The following RANBP9 variants were observed in gnomAD, a reference collection of about 807,000 sequenced individuals.
RANBP9 encodes the protein RAN binding protein 9, also known as ran-binding protein 9.
RANBP9 carries 15 observed loss-of-function variants against 84.3 expected under a neutral mutation model. The ratio of observed to expected loss-of-function variants is 0.18; its 90% CI spans 0.12 to 0.27. The LOEUF (loss-of-function observed/expected upper bound fraction) is 0.27, where lower values mean the gene tolerates loss of function less well. Ranked by LOEUF, RANBP9 falls within the 10% of genes least tolerant of loss-of-function variation. The probability of loss-of-function intolerance (pLI) is 1.00; values close to 1 mark genes in which losing one functional copy is unlikely to be tolerated. For missense variants in RANBP9, 809 were observed against 912.8 expected, an observed-to-expected ratio of 0.89 and a Z score of 1.46; for synonymous variants, 392 against 349.6, an observed-to-expected ratio of 1.12 and a Z score of -1.35.
chr6:13,646,326 T>C (rs1584920452), intron 5 of RANBP9, among the ~76,000 whole-genome samples: 1 of 152,312 alleles, frequency 6.6e-6, no homozygotes, highest in Non-Finnish European at 1.5e-5. Flanking sequence ...GGATAATCGC[T>C]TGAACCGGGG....
chr6:13,636,312 T>C (rs1374036859), intron 10 of RANBP9, among the ~76,000 whole-genome samples: 1 of 152,240 alleles, frequency 6.6e-6, no homozygotes, highest in Non-Finnish European at 1.5e-5. Context: ...ATGGTTTAAA[T>C]AGTTAATACC....
intron 5 of RANBP9, among the ~76,000 whole-genome samples, chr6:13,645,543 C>T (rs1312920411): frequency 6.6e-6 from 1 of 152,054 alleles, no homozygotes; most frequent in Non-Finnish European, 1.5e-5. Flanking sequence ...CTACTAAATG[C>T]CAGGGTTTAA....
chr6:13,681,410 AATACATTTT>A (rs1192768021), intron 2 of RANBP9, among the ~76,000 whole-genome samples: 2 of 152,318 alleles, frequency 1.3e-5, no homozygotes, highest in Non-Finnish European at 2.9e-5. Flanking sequence ...ATTAATCAAT[AATACATTTT>A]AAGTGCAAAA....
At position 13,674,462 on chromosome 6, in the gene RANBP9, T is replaced by C. The variant is rs377348949; in HGVS notation, c.684-15630A>G. Among the ~76,000 whole-genome samples, 4 of 152,184 alleles carry C rather than the reference T, an allele frequency of 2.6e-5. No individual in the cohort carries two copies. In the East Asian group the frequency reaches 7.7e-4, roughly 29 times the overall value. On this transcript the variant is annotated intron_variant, in intron 2 of 13. Coordinates refer to ENST00000011619, the MANE Select transcript of RANBP9 (RefSeq NM_005493.3). ...CAAGGATCAATTATCAAACAAGATA[T>C]AACAATCCTTAATTGTCAAGGGTCG...
intron 1 of RANBP9, among the ~76,000 whole-genome samples, chr6:13,704,448 C>A (rs540702249): frequency 6.6e-6 from 1 of 152,010 alleles, no homozygotes; most frequent in East Asian, 1.9e-4. Flanking sequence ...GGCAACATGG[C>A]AAAACCCCCT....
intron 1 of RANBP9, among the ~76,000 whole-genome samples, chr6:13,704,561 G>A (rs769470418): frequency 6.6e-6 from 1 of 151,914 alleles, no homozygotes; most frequent in Non-Finnish European, 1.5e-5. Flanking sequence ...AGCCCAGGAG[G>A]CAGAGGTTGC....
intron 2 of RANBP9, among the ~76,000 whole-genome samples, chr6:13,663,465 GT>G (rs1280740598): frequency 1.3e-5 from 2 of 152,014 alleles, no homozygotes; most frequent in Non-Finnish European, 2.9e-5. Flanking sequence ...AGCAAAAATG[GT>G]AACATGTATT....
chr6:13,699,985 G>T (rs912052593), intron 1 of RANBP9, among the ~76,000 whole-genome samples: 2 of 152,164 alleles, frequency 1.3e-5, no homozygotes, highest in African/African-American at 4.8e-5. Context: ...TCACCTGAAA[G>T]TTTATTATTA....
chr6:13,661,281 G>T (rs1765533575), intron 2 of RANBP9, among the ~76,000 whole-genome samples: 1 of 152,156 alleles, frequency 6.6e-6, no homozygotes, highest in African/African-American at 2.4e-5. Flanking sequence ...TCATGCTGAA[G>T]CAAGAACCCG....
At chr6:13,642,292 GAC>G (rs1166084355) in intron 7 of RANBP9, among the ~76,000 whole-genome samples, 185 bp downstream of exon 7, 3 of 151,948 alleles carry the variant, frequency 2.0e-5, no homozygotes, top group Non-Finnish European at 1.5e-5. Context: ...TTAGAATTCT[GAC>G]ATAGTCCTAT....
chr6:13,634,283 G>GT, intron 11 of RANBP9, 148 bp downstream of exon 11: 1 of 935,934 alleles, frequency 1.1e-6, no homozygotes, highest in Admixed American at 2.8e-5. Context: ...TCAAACAAGA[G>GT]TTTAAGTGCT....
intron 1 of RANBP9, among the ~76,000 whole-genome samples, chr6:13,703,111 C>T (rs1005597672): frequency 4.9e-4 from 75 of 152,318 alleles, no homozygotes; most frequent in Middle Eastern, 3.4e-3. Flanking sequence ...TTCCTGGGTT[C>T]AAGCAGTCCT....
intron 10 of RANBP9, 113 bp from the exon 11 acceptor site, chr6:13,634,665 A>C: frequency 1.0e-6 from 1 of 1,004,096 alleles, no homozygotes; most frequent in Non-Finnish European, 1.4e-6. Flanking sequence ...ATAAGGCAAC[A>C]GAAATCTGCA....
chr6:13,676,692 TATGCAAGGC>T (rs1765892238), intron 2 of RANBP9, among the ~76,000 whole-genome samples: 1 of 151,644 alleles, frequency 6.6e-6, no homozygotes, highest in African/African-American at 2.4e-5. Flanking sequence ...TTATCCCAGG[TATGCAAGGC>T]TGGCTCAACA....
intron 2 of RANBP9, among the ~76,000 whole-genome samples, chr6:13,690,462 G>A (rs566194430): frequency 6.6e-6 from 1 of 151,998 alleles, no homozygotes; most frequent in East Asian, 1.9e-4. Flanking sequence ...CTCCTCCCCC[G>A]CCAAGAAATA....
chr6:13,687,795 T>C (rs1479103641), intron 2 of RANBP9, among the ~76,000 whole-genome samples: 4 of 152,210 alleles, frequency 2.6e-5, no homozygotes, highest in Non-Finnish European at 5.9e-5. Context: ...CTATTTTCCA[T>C]ATTACCCTCA....
chr6:13,670,175 C>A (rs1202896144), intron 2 of RANBP9, among the ~76,000 whole-genome samples: 1 of 152,034 alleles, frequency 6.6e-6, no homozygotes, highest in Non-Finnish European at 1.5e-5. Flanking sequence ...TGCCTGTAGT[C>A]CCAGCTTCTC....
chr6:13,629,938 G>T (rs528582100), intron 12 of RANBP9, among the ~76,000 whole-genome samples: 6 of 151,812 alleles, frequency 4.0e-5, no homozygotes, highest in African/African-American at 1.2e-4. Context: ...GTGTGTGTGT[G>T]TGTGTATTTG....
rs1766314384 is a variant in RANBP9 at position 13,691,149 on chromosome 6, CAG to C, written c.683+5634_683+5635del. ...TGCCACTGAACTCCAACCTGGGTGACAGAGACTCCGTCTCAAAAAAAAAAAAA... is the reference window on the plus strand; with the variant it reads ...TGCCACTGAACTCCAACCTGGGTGACAGACTCCGTCTCAAAAAAAAAAAAA... On this transcript the variant is annotated intron_variant, in intron 2 of 13. Coordinates refer to ENST00000011619, the MANE Select transcript of RANBP9 (RefSeq NM_005493.3). Among the ~76,000 whole-genome samples the C allele has an allele frequency of 2.9e-5, 4 of 137,394 alleles. No individual in the cohort carries two copies. In the South Asian group the frequency reaches 9.0e-4, roughly 31 times the overall value. 90.1% of individuals were successfully genotyped at this position (137,394 alleles called of 152,430 possible).
Sources: gnomAD v4.1 joint callset for allele counts (sites outside exome capture counted in the v4.1 genomes callset) on GRCh38, gnomAD v4.1.1 for gene constraint, MANE v1.5 for transcripts, NCBI Gene and HGNC (gene_info 2026-07-23, HGNC 2026-07-21) for gene names.